Variants in KCNN2 observed in about 807,000 individuals in gnomAD.
KCNN2 encodes potassium calcium-activated channel subfamily N member 2.
A neutral mutation model predicts 55.5 loss-of-function variants in KCNN2; 24 were observed. The observed-to-expected ratio is 0.43, with a 90% CI of 0.31 to 0.61. The LOEUF (loss-of-function observed/expected upper bound fraction) is 0.61, where lower values mean the gene tolerates loss of function less well. Among genes scored for constraint, KCNN2 ranks in the 20% least tolerant of loss-of-function variants. The pLI is 0.08. For missense variants in KCNN2, 754 were observed against 853.6 expected, an observed-to-expected ratio of 0.88 and a Z score of 1.45; for synonymous variants, 431 against 336.1, an observed-to-expected ratio of 1.28 and a Z score of -3.09.
In KCNN2 at chr5:114,212,919, G is replaced by A. The variant is rs193173601; in HGVS notation, c.-270-8561G>A. Among the ~76,000 whole-genome samples, 49 of 152,092 alleles carry A rather than the reference G, an allele frequency of 3.2e-4. 2 individuals carry two copies. The highest frequency in any genetic ancestry group is 3.1e-3 in the East Asian group (16 of 5,180). On this transcript the variant is annotated intron_variant, in intron 1 of 10. Transcript: ENST00000512097. ...ATGTTTTTATAGTAGCATGCGTAAAGCTATATCTTCTTACAATGTAGATAT... is the reference window on the plus strand; with the variant it reads ...ATGTTTTTATAGTAGCATGCGTAAAACTATATCTTCTTACAATGTAGATAT...
chr5:114,276,260 A>G (rs1251738557), intron 2 of KCNN2, among the ~76,000 whole-genome samples: 2 of 152,044 alleles, frequency 1.3e-5, no homozygotes, highest in East Asian at 1.9e-4. Flanking sequence ...TATGTGGTCA[A>G]TTTTAGAATA....
intron 1 of KCNN2, among the ~76,000 whole-genome samples, chr5:114,181,498 T>A (rs1753239919): frequency 6.6e-6 from 1 of 152,210 alleles, no homozygotes; most frequent in Non-Finnish European, 1.5e-5. Context: ...GGACAGCAGA[T>A]ATTTGCCCAT....
chr5:114,278,843 G>A (rs991179237), intron 2 of KCNN2, among the ~76,000 whole-genome samples: 5 of 152,142 alleles, frequency 3.3e-5, no homozygotes, highest in Non-Finnish European at 5.9e-5. Flanking sequence ...GCAATGCCCC[G>A]CCCTACTTCA....
chr5:114,078,636 G>C (rs1266170207), intron 1 of KCNN2, among the ~76,000 whole-genome samples: 1 of 152,166 alleles, frequency 6.6e-6, no homozygotes, highest in Non-Finnish European at 1.5e-5. Context: ...AGTTGTTACA[G>C]CTGCTAAAAG....
At chr5:114,198,341 TAC>T (rs1010456725) in intron 1 of KCNN2, among the ~76,000 whole-genome samples, 50 of 133,066 alleles carry the variant, frequency 3.8e-4, no homozygotes, top group Middle Eastern at 4.1e-3. Flanking sequence ...TATATATATA[TAC>T]GTGTATATAT....
At chr5:114,148,712 G>C (rs1281236836) in intron 1 of KCNN2, among the ~76,000 whole-genome samples, 1 of 152,124 alleles carries the variant, frequency 6.6e-6, no homozygotes. Flanking sequence ...TGGCTTAGTA[G>C]AAGAAGAGTT....
At chr5:114,131,006 G>A (rs959561200) in intron 1 of KCNN2, among the ~76,000 whole-genome samples, 6 of 152,164 alleles carry the variant, frequency 3.9e-5, no homozygotes, top group African/African-American at 1.4e-4. Flanking sequence ...AAAATAAAAT[G>A]TGAACATCCA....
intron 1 of KCNN2, among the ~76,000 whole-genome samples, chr5:114,159,230 C>T (rs934192661): frequency 3.9e-5 from 6 of 152,096 alleles, no homozygotes; most frequent in Admixed American, 2.0e-4. Context: ...TGAATTTTGT[C>T]AAAGGCCTTT....
chr5:114,360,774 C>T (rs539065782), upstream of KCNN2, among the ~76,000 whole-genome samples: 1 of 152,312 alleles, frequency 6.6e-6, no homozygotes, highest in African/African-American at 2.4e-5. Context: ...CCGTGGGCAG[C>T]GACTATTCAG....
intron 3 of KCNN2, among the ~76,000 whole-genome samples, chr5:114,411,356 T>C (rs1759125805): frequency 6.6e-6 from 1 of 152,092 alleles, no homozygotes. Flanking sequence ...TAGATATAAA[T>C]ATATGAGAGG....
intron 2 of KCNN2, among the ~76,000 whole-genome samples, chr5:114,291,575 A>G (rs557663264): frequency 6.6e-6 from 1 of 152,280 alleles, no homozygotes; most frequent in East Asian, 1.9e-4. Flanking sequence ...ACATTTTCCT[A>G]ATCCAGTCTA....
chr5:114,096,066 G>C (rs1311680102), intron 1 of KCNN2, among the ~76,000 whole-genome samples: 1 of 152,114 alleles, frequency 6.6e-6, no homozygotes, highest in African/African-American at 2.4e-5. Context: ...CACAGGTTGA[G>C]ATCACTGTCC....
chr5:114,143,791 T>C (rs1336175773), intron 1 of KCNN2, among the ~76,000 whole-genome samples: 1 of 152,216 alleles, frequency 6.6e-6, no homozygotes, highest in Non-Finnish European at 1.5e-5. Context: ...TTTCATCTTT[T>C]ATTCTGTAGT....
chr5:114,435,364 A>G (rs1277756179), intron 3 of KCNN2, among the ~76,000 whole-genome samples: 1 of 152,136 alleles, frequency 6.6e-6, no homozygotes, highest in African/African-American at 2.4e-5. Context: ...TCTCTGCTAG[A>G]TCTAAGAAAA....
chr5:114,407,509 T>C (rs1758974709), intron 3 of KCNN2, among the ~76,000 whole-genome samples: 1 of 152,204 alleles, frequency 6.6e-6, no homozygotes, highest in African/African-American at 2.4e-5. Context: ...ATTTTTCTCT[T>C]TGCATTTTGT....
intron 2 of KCNN2, among the ~76,000 whole-genome samples, chr5:114,232,922 C>CTCGTTTTTTTTTTTTTTTT (rs200715120): frequency 4.3e-4 from 19 of 44,020 alleles, no homozygotes; most frequent in East Asian, 7.8e-4. Context: ...TATATTGTTT[C>CTCGTTTTTTTTTTTTTTTT]TTGTTTTTTT....
intron 1 of KCNN2, among the ~76,000 whole-genome samples, chr5:114,220,709 G>A (rs1240852194): frequency 6.6e-6 from 1 of 151,224 alleles, no homozygotes; most frequent in Non-Finnish European, 1.5e-5. Context: ...GCAAGACACA[G>A]AGCAAAACAC....
chr5:114,228,746 G>T (rs148893418), intron 2 of KCNN2, among the ~76,000 whole-genome samples: 1 of 152,146 alleles, frequency 6.6e-6, no homozygotes, highest in African/African-American at 2.4e-5. Context: ...AGTTGAGAAA[G>T]TTCAGAATGT....
At chr5:114,338,032 C>T (rs1201974608) in intron 2 of KCNN2, among the ~76,000 whole-genome samples, 1 of 152,148 alleles carries the variant, frequency 6.6e-6, no homozygotes, top group African/African-American at 2.4e-5. Flanking sequence ...AAAGTCATTT[C>T]CTTGAGCAAA....
Sources: gnomAD v4.1 joint callset for allele counts (sites outside exome capture counted in the v4.1 genomes callset) on GRCh38, gnomAD v4.1.1 for gene constraint, MANE v1.5 for transcripts, NCBI Gene and HGNC (gene_info 2026-07-23, HGNC 2026-07-21) for gene names.